FANCA: variants seen among roughly 807,000 people sequenced by gnomAD.
The protein encoded by FANCA is FA complementation group A.
In FANCA, 236 loss-of-function variants were observed where a neutral mutation model predicts 194.3. That is an observed-to-expected ratio of 1.21 (90% confidence interval 1.09 to 1.35). The LOEUF (loss-of-function observed/expected upper bound fraction) is 1.35, where lower values mean the gene tolerates loss of function less well. Ranked by LOEUF, FANCA falls within the 40% of genes most tolerant of loss-of-function variation. The probability of loss-of-function intolerance (pLI) is 0.00; values close to 1 mark genes in which losing one functional copy is unlikely to be tolerated. For missense variants in FANCA, 2,628 were observed against 1,813.9 expected (o/e 1.45, Z -8.15); for synonymous variants, 1,014 against 715.8 (o/e 1.42, Z -6.65).
chr16:89,792,818 T>G (rs1598154238), intron 11 of FANCA: 1 of 405,280 alleles, frequency 2.5e-6, no homozygotes, highest in Non-Finnish European at 4.7e-6. Context: ...GGGTAAAGAG[T>G]GTGAGTCATC....
At chr16:89,776,153 G>GTTTT (rs908520331) in intron 20 of FANCA, among the ~76,000 whole-genome samples, 1 of 91,786 alleles carries the variant, frequency 1.1e-5, no homozygotes. Context: ...ACGAATCTTT[G>GTTTT]TTTTTCTTTT....
At chr16:89,787,820 G>C (rs2039947267) in intron 14 of FANCA, among the ~76,000 whole-genome samples, 1 of 151,830 alleles carries the variant, frequency 6.6e-6, no homozygotes, top group Admixed American at 6.6e-5. Context: ...ACCCCAAAGG[G>C]CTCAAATTCA....
intron 41 of FANCA, 34 bp downstream of exon 41, chr16:89,739,099 C>G (rs1463674297): frequency 6.2e-7 from 1 of 1,613,746 alleles, no homozygotes; most frequent in Admixed American, 1.7e-5. Context: ...CTGGGGGGAG[C>G]TCCCCTGGAG....
At chr16:89,795,057 G>A (rs1441286516) in intron 11 of FANCA, among the ~76,000 whole-genome samples, 2 of 152,160 alleles carry the variant, frequency 1.3e-5, no homozygotes, top group African/African-American at 4.8e-5. Flanking sequence ...GGCCGAGACG[G>A]GCGGATTACC....
chr16:89,766,004 T>C (rs903472229), intron 27 of FANCA, among the ~76,000 whole-genome samples: 7 of 151,618 alleles, frequency 4.6e-5, no homozygotes, highest in African/African-American at 1.7e-4. Context: ...TATTTATTTT[T>C]TTTTTTTTTT....
chr16:89,748,783 T>C lies in FANCA; in HGVS notation c.3240-16A>G, dbSNP rs1320131766. 1.9e-6 allele frequency: 3 copies of C among 1,608,640 alleles called. No homozygotes were observed. The East Asian group carries it at 6.7e-5, about 36-fold the overall frequency. Reference sequence around the variant, plus strand: ...GAGGAGGATCCTGGAAAGAAGGGGCTGTATTGGTGGCGACAGCACAGCGTA... The same window carrying C: ...GAGGAGGATCCTGGAAAGAAGGGGCCGTATTGGTGGCGACAGCACAGCGTA... On this transcript the variant is annotated splice_polypyrimidine_tract_variant and intron_variant, in intron 32 of 42. Transcript: ENST00000389301.
At chr16:89,809,240 GCT>G (rs1306948211) in intron 5 of FANCA, among the ~76,000 whole-genome samples, 2 of 152,014 alleles carry the variant, frequency 1.3e-5, no homozygotes, top group African/African-American at 4.8e-5. Context: ...GTGCAGGAAG[GCT>G]TTCCTAACTC....
chr16:89,755,573 G>C (rs1487418404), intron 30 of FANCA, among the ~76,000 whole-genome samples: 1 of 152,058 alleles, frequency 6.6e-6, no homozygotes, highest in African/African-American at 2.4e-5. Context: ...AAATGATCTG[G>C]ACTTTATAAA....
intron 14 of FANCA, among the ~76,000 whole-genome samples, chr16:89,787,923 G>C (rs796552004): frequency 6.6e-6 from 1 of 151,760 alleles, no homozygotes; most frequent in Non-Finnish European, 1.5e-5. Context: ...GCCCAGGCTG[G>C]AGTGCAGTGG....
chr16:89,784,421 TAA>T (rs59766959), intron 15 of FANCA, among the ~76,000 whole-genome samples: 7 of 118,250 alleles, frequency 5.9e-5, no homozygotes, highest in Admixed American at 8.4e-5. Context: ...CACATGAAAT[TAA>T]AAAAAAAAAA....
intron 10 of FANCA, 44 bp from the exon 11 acceptor site, chr16:89,796,062 T>C: frequency 1.4e-6 from 2 of 1,443,168 alleles, no homozygotes; most frequent in South Asian, 2.3e-5. Context: ...GGAGGGTGCC[T>C]TGCACGCCAC....
rs934237057 is a variant in FANCA at position 89,782,707 on chromosome 16, G to A, written c.1626+152C>T. ...ACAAGGTGGGACACAGCAACACAGAGGCCCGCAGAGCCTCGCCCCCAGCTG... is the reference window on the plus strand; with the variant it reads ...ACAAGGTGGGACACAGCAACACAGAAGCCCGCAGAGCCTCGCCCCCAGCTG... On this transcript the variant is annotated intron_variant, in intron 17 of 42. Coordinates refer to ENST00000389301, the MANE Select transcript of FANCA (RefSeq NM_000135.4). 3 of 690,748 alleles carry A rather than the reference G, an allele frequency of 4.3e-6. No individual in the cohort carries two copies. The Admixed American group carries it at 6.3e-5, about 15-fold the overall frequency. 42.8% of individuals were successfully genotyped at this position (690,748 alleles called of 1,614,324 possible).
chr16:89,814,505 G>A lies in FANCA; in HGVS notation c.283+15C>T, dbSNP rs1349966676. On this transcript the variant is annotated intron_variant, in intron 3 of 42. Transcript: ENST00000389301. Reference sequence around the variant, plus strand: ...TTCTGCAATTCAAAATAGAGAAAATGAAGCTATAACTTACCTATAAATGAA... The same window carrying A: ...TTCTGCAATTCAAAATAGAGAAAATAAAGCTATAACTTACCTATAAATGAA... The A allele has an allele frequency of 4.5e-6, 7 of 1,554,390 alleles. No homozygotes were observed. Among genetic ancestry groups the A allele is most frequent in the Non-Finnish European group, 6.2e-6 (7 of 1,126,518 alleles).
Position 89,776,116 on chromosome 16 carries a change from AT to A in FANCA, c.1827-302del, listed in dbSNP as rs200413071. ...AAATTATTTCTATTTCTCTCATACA[AT>A]TTTTGGTAATTTCCAAATTCAAAAC... is the stretch of plus-strand genomic sequence containing the variant. On this transcript the variant is annotated intron_variant, in intron 20 of 42. Transcript: ENST00000389301. 4.5e-3 allele frequency among the ~76,000 whole-genome samples: 635 copies of A among 141,778 alleles called. 3 individuals carry two copies. The highest frequency in any genetic ancestry group is 0.015 in the African/African-American group (596 of 38,750). 93.0% of individuals were successfully genotyped at this position (141,778 alleles called of 152,430 possible).
chr16:89,799,632 C>G lies in FANCA; in HGVS notation c.799G>C (p.Val267Leu). Residue 267 changes from valine (V) to leucine (L), a missense_variant, in exon 9 of 43, where the codon GTT (valine) becomes CTT (leucine). Coordinates refer to ENST00000389301, the MANE Select transcript of FANCA (RefSeq NM_000135.4). ...VEPEKMPQVT[V>L]DVLQRMLIFA... Reference sequence around the variant, plus strand: ...ATCAGCATTCTCTGCAGTACATCAACCGTGACCTGTCAAAATAGAATGTGA... The same window carrying G: ...ATCAGCATTCTCTGCAGTACATCAAGCGTGACCTGTCAAAATAGAATGTGA... 1 of 1,613,316 alleles carries G rather than the reference C, an allele frequency of 6.2e-7. No individual in the cohort carries two copies. Among genetic ancestry groups the G allele is most frequent in the Non-Finnish European group, 8.5e-7 (1 of 1,179,276 alleles).
chr16:89,739,429 G>C, intron 40 of FANCA, 49 bp downstream of exon 40: 1 of 1,552,560 alleles, frequency 6.4e-7, no homozygotes, highest in Non-Finnish European at 8.7e-7. Context: ...CTGAGATGGG[G>C]GTCTGGGAAA....
At chr16:89,740,986 G>A (rs1168649218) in intron 37 of FANCA, 120 bp from the exon 38 acceptor site, 1 of 890,406 alleles carries the variant, frequency 1.1e-6, no homozygotes, top group Non-Finnish European at 1.8e-6. Flanking sequence ...AATCCTTTAA[G>A]TGGATCTTAG....
chr16:89,742,954 C>T lies in FANCA; in HGVS notation c.3627-16G>A, dbSNP rs369154534. The T allele has an allele frequency of 1.1e-5, 17 of 1,612,932 alleles. No individual in the cohort carries two copies. Among genetic ancestry groups the T allele is most frequent in the South Asian group, 5.5e-5 (5 of 91,058 alleles). ...GGAGAGGAAACTGGGACAGAGAGAACGGGGTCATTGCAGGGCCTTACAACC... is the reference window on the plus strand; with the variant it reads ...GGAGAGGAAACTGGGACAGAGAGAATGGGGTCATTGCAGGGCCTTACAACC... On this transcript the variant is annotated splice_polypyrimidine_tract_variant and intron_variant, in intron 36 of 42. Transcript: ENST00000389301.
Position 89,799,631 on chromosome 16 carries a change from A to G in FANCA, c.800T>C (p.Val267Ala), listed in dbSNP as rs2040371319. 26 of 1,613,378 alleles carry G rather than the reference A, an allele frequency of 1.6e-5. No homozygotes were observed. Among genetic ancestry groups the G allele is most frequent in the Non-Finnish European group, 2.1e-5 (25 of 1,179,324 alleles). ...AATCAGCATTCTCTGCAGTACATCA[A>G]CCGTGACCTGTCAAAATAGAATGTG... ...VEPEKMPQVT[V>A]DVLQRMLIFA... Residue 267 changes from valine to alanine, a missense_variant, in exon 9 of 43, where the codon GTT becomes GCT. Physicochemically the swap from Val to Ala is moderately conservative, Grantham distance 64 (BLOSUM62 0). Transcript: ENST00000389301.
Sources: gnomAD v4.1 joint callset for allele counts (sites outside exome capture counted in the v4.1 genomes callset) on GRCh38, gnomAD v4.1.1 for gene constraint, MANE v1.5 for transcripts, NCBI Gene and HGNC (gene_info 2026-07-23, HGNC 2026-07-21) for gene names.